PITPNC1: variants seen among roughly 807,000 people sequenced by gnomAD.
PITPNC1 encodes cytoplasmic phosphatidylinositol transfer protein 1.
A neutral mutation model predicts 44.7 loss-of-function variants in PITPNC1; 18 were observed. The ratio of observed to expected loss-of-function variants is 0.40; its 90% CI spans 0.28 to 0.60. The LOEUF is 0.60. Among genes scored for constraint, PITPNC1 ranks in the 20% least tolerant of loss-of-function variants. The pLI, the probability that PITPNC1 is intolerant of heterozygous loss-of-function variation, is 0.39. For missense variants in PITPNC1, 290 were observed against 418.4 expected (o/e 0.69, Z 2.68); for synonymous variants, 141 against 149.6 (o/e 0.94, Z 0.42).
chr17:67,540,751 C>G (rs541393538), intron 2 of PITPNC1, among the ~76,000 whole-genome samples: 2 of 152,206 alleles, frequency 1.3e-5, no homozygotes, highest in South Asian at 4.2e-4. Flanking sequence ...TAGTGGCAAC[C>G]AAGAGAGAAA....
chr17:67,614,106 G>GAAAA (rs1195455063), intron 5 of PITPNC1, among the ~76,000 whole-genome samples: 3 of 151,100 alleles, frequency 2.0e-5, no homozygotes, highest in Admixed American at 1.3e-4. Flanking sequence ...GAAAAGAAAA[G>GAAAA]AAAAAGAAAA....
chr17:67,662,396 G>A (rs917005493), intron 6 of PITPNC1, among the ~76,000 whole-genome samples: 4 of 152,182 alleles, frequency 2.6e-5, no homozygotes, highest in African/African-American at 9.7e-5. Context: ...GGAGGTTGCA[G>A]TGAGCTGAGA....
At chr17:67,433,467 G>C (rs373675478) in intron 1 of PITPNC1, among the ~76,000 whole-genome samples, 1 of 152,116 alleles carries the variant, frequency 6.6e-6, no homozygotes, top group African/African-American at 2.4e-5. Flanking sequence ...CTGGGGAGCC[G>C]GGTGCAGTAA....
intron 1 of PITPNC1, among the ~76,000 whole-genome samples, chr17:67,415,488 C>A: frequency 6.6e-6 from 1 of 152,218 alleles, no homozygotes; most frequent in Non-Finnish European, 1.5e-5. Flanking sequence ...CCTGGACTGA[C>A]TGTTCAGCCT....
chr17:67,439,158 AG>A (rs1209445684), intron 1 of PITPNC1, among the ~76,000 whole-genome samples: 1 of 152,190 alleles, frequency 6.6e-6, no homozygotes, highest in African/African-American at 2.4e-5. Context: ...GAAATTGATT[AG>A]GCATATATTA....
chr17:67,520,641 T>C (rs1165371085), intron 1 of PITPNC1, among the ~76,000 whole-genome samples: 1 of 152,146 alleles, frequency 6.6e-6, no homozygotes, highest in Non-Finnish European at 1.5e-5. Context: ...GTGAAATGCA[T>C]GTTGAGTGAT....
chr17:67,645,107 G>A (rs961916942), intron 6 of PITPNC1, among the ~76,000 whole-genome samples: 4 of 151,998 alleles, frequency 2.6e-5, no homozygotes, highest in Non-Finnish European at 5.9e-5. Context: ...TTGGGAGGCC[G>A]AGGCAGGCGG....
intron 5 of PITPNC1, among the ~76,000 whole-genome samples, chr17:67,606,503 C>T (rs928971948): frequency 2.0e-5 from 3 of 152,300 alleles, no homozygotes; most frequent in African/African-American, 4.8e-5. Context: ...AAGTCGGAGA[C>T]GTTTGCAGAT....
chr17:67,562,667 C>T (rs113074017), intron 4 of PITPNC1, among the ~76,000 whole-genome samples: 1 of 152,136 alleles, frequency 6.6e-6, no homozygotes, highest in Admixed American at 6.5e-5. Flanking sequence ...ACGTAACCCT[C>T]ACAAGGCAGA....
intron 5 of PITPNC1, among the ~76,000 whole-genome samples, chr17:67,590,000 A>G (rs2041369418): frequency 6.6e-6 from 1 of 152,024 alleles, no homozygotes; most frequent in Admixed American, 6.6e-5. Flanking sequence ...AGAACAGGAA[A>G]AAAAAGACAT....
intron 6 of PITPNC1, among the ~76,000 whole-genome samples, chr17:67,664,587 G>A (rs765122850): frequency 1.2e-4 from 18 of 151,726 alleles, no homozygotes; most frequent in Non-Finnish European, 1.9e-4. Flanking sequence ...CATGTTTCTC[G>A]GCGACCTGTA....
intron 1 of PITPNC1, among the ~76,000 whole-genome samples, chr17:67,492,545 ACT>A (rs2039878627): frequency 6.6e-6 from 1 of 152,024 alleles, no homozygotes; most frequent in Non-Finnish European, 1.5e-5. Flanking sequence ...GAGCCAGTAA[ACT>A]CTGTTGTGTG....
At chr17:67,501,037 T>C (rs537355311) in intron 1 of PITPNC1, among the ~76,000 whole-genome samples, 24 of 152,262 alleles carry the variant, frequency 1.6e-4, no homozygotes, top group African/African-American at 4.6e-4. Flanking sequence ...CATTTTCTAA[T>C]CTTAATATCT....
Position 67,494,174 on chromosome 17 carries a change from T to C in PITPNC1, c.49-38628T>C, listed in dbSNP as rs111950265. Reference sequence around the variant, plus strand: ...AATATGTGTAACCTCTTTCTTTCTTTCTTTCTTTCTTTTTCTTTCTTTCTT... The same window carrying C: ...AATATGTGTAACCTCTTTCTTTCTTCCTTTCTTTCTTTTTCTTTCTTTCTT... On this transcript the variant is annotated intron_variant, in intron 1 of 8. Transcript: ENST00000581322. Among the ~76,000 whole-genome samples, 426 of 63,784 alleles carry C rather than the reference T, an allele frequency of 6.7e-3. 4 individuals carry two copies. Among genetic ancestry groups the C allele is most frequent in the Middle Eastern group, 0.024 (2 of 84 alleles). The allele number at this position is 63,784 out of a possible 152,430, so 41.8% of individuals were successfully genotyped here.
chr17:67,583,917 G>A lies in PITPNC1; in HGVS notation c.366+5660G>A, dbSNP rs1158553498. Among the ~76,000 whole-genome samples, 4 of 146,102 alleles carry A rather than the reference G, an allele frequency of 2.7e-5. No homozygotes were observed. In the East Asian group the frequency reaches 8.3e-4, roughly 30 times the overall value. On this transcript the variant is annotated intron_variant, in intron 5 of 8. Coordinates refer to ENST00000581322, the MANE Select transcript of PITPNC1 (RefSeq NM_012417.4). ...TGTGTTTGTGTGTGTGTGTGTTTGT[G>A]TTTAGTAGAGATGGAGTGTCACTGT...
At chr17:67,612,684 T>TGGATGGATGGGC (rs2041703445) in intron 5 of PITPNC1, 1 of 120,010 alleles carries the variant, frequency 8.3e-6, no homozygotes, top group African/African-American at 4.4e-5. Flanking sequence ...GATGGATGGA[T>TGGATGGATGGGC]GGATGGATGG....
intron 8 of PITPNC1, among the ~76,000 whole-genome samples, chr17:67,691,634 GAC>G (rs1354309929): frequency 1.3e-5 from 2 of 152,124 alleles, no homozygotes; most frequent in Admixed American, 6.6e-5. Flanking sequence ...TCTTAGGATC[GAC>G]ACACAGTCAG....
chr17:67,513,489 GTATATATA>G (rs571272051), intron 1 of PITPNC1, among the ~76,000 whole-genome samples: 14 of 138,662 alleles, frequency 1.0e-4, no homozygotes, highest in African/African-American at 2.4e-4. Context: ...GTGTGTGTGT[GTATATATA>G]TATATATATA....
rs138201928 is a variant in PITPNC1 at position 67,422,057 on chromosome 17, G to A, written c.48+43855G>A. On this transcript the variant is annotated intron_variant, in intron 1 of 8. Coordinates refer to ENST00000581322, the MANE Select transcript of PITPNC1 (RefSeq NM_012417.4). ...AACCCTTAGAACTCAGGCAAGGTGA[G>A]CTGGTGTGACTTGCAGGAAGTATGA... Among the ~76,000 whole-genome samples, 378 of 152,306 alleles carry A rather than the reference G, an allele frequency of 2.5e-3. 1 individual carries two copies. Among genetic ancestry groups the A allele is most frequent in the African/African-American group, 8.9e-3 (371 of 41,556 alleles).
Sources: gnomAD v4.1 joint callset for allele counts (sites outside exome capture counted in the v4.1 genomes callset) on GRCh38, gnomAD v4.1.1 for gene constraint, MANE v1.5 for transcripts, NCBI Gene and HGNC (gene_info 2026-07-23, HGNC 2026-07-21) for gene names.